Variants in CTDP1 observed in about 807,000 individuals in gnomAD.
The protein encoded by CTDP1 is RNA polymerase II subunit A C-terminal domain phosphatase.
Under a neutral mutation model 91.8 loss-of-function variants are expected in CTDP1, and 47 were observed. The observed-to-expected ratio is 0.51, with a 90% CI of 0.41 to 0.65. CTDP1 has a LOEUF of 0.65. CTDP1 is among the 30% of genes least tolerant of loss of function. The pLI, the probability that CTDP1 is intolerant of heterozygous loss-of-function variation, is 0.00. For missense variants in CTDP1, 1,272 were observed against 1,373.7 expected, an observed-to-expected ratio of 0.93 and a Z score of 1.17; for synonymous variants, 656 against 598.5, an observed-to-expected ratio of 1.10 and a Z score of -1.40.
At chr18:79,747,705 G>A (rs55660669) in intron 12 of CTDP1, among the ~76,000 whole-genome samples, 19,213 of 152,252 alleles carry the variant, frequency 0.13, 1,604 homozygotes, top group Non-Finnish European at 0.19. Flanking sequence ...GCAGGTGTCC[G>A]GTGCGTGCAG....
intron 10 of CTDP1, among the ~76,000 whole-genome samples, chr18:79,727,223 T>C (rs1231582668): frequency 6.6e-6 from 1 of 152,208 alleles, no homozygotes; most frequent in Non-Finnish European, 1.5e-5. Context: ...AACATTTAAT[T>C]CAGTTTAAAA....
chr18:79,698,249 G>A (rs766407970), intron 4 of CTDP1, among the ~76,000 whole-genome samples: 2 of 152,172 alleles, frequency 1.3e-5, no homozygotes, highest in East Asian at 1.9e-4. Context: ...GTGCCTGCCC[G>A]GCACGATGTC....
intron 5 of CTDP1, among the ~76,000 whole-genome samples, chr18:79,708,035 A>C (rs1297318426): frequency 2.0e-5 from 3 of 152,204 alleles, no homozygotes; most frequent in Non-Finnish European, 1.5e-5. Flanking sequence ...GCATAGTGAG[A>C]AACAATCGCA....
Position 79,679,824 on chromosome 18 carries a change from C to G in CTDP1, c.-124C>G. 2.1e-6 allele frequency: 2 copies of G among 957,242 alleles called. No homozygotes were observed. Among genetic ancestry groups the G allele is most frequent in the Non-Finnish European group, 2.9e-6 (2 of 688,148 alleles). 59.3% of individuals were successfully genotyped at this position (957,242 alleles called of 1,614,324 possible). ...CAGGAAGTCGGCGCGGGCTAGGCGACGGGTGGAAGCCGGTACCGAGAGGAA... is the reference window on the plus strand; with the variant it reads ...CAGGAAGTCGGCGCGGGCTAGGCGAGGGGTGGAAGCCGGTACCGAGAGGAA... On this transcript the variant is annotated 5_prime_UTR_variant, in exon 1 of 13. Coordinates refer to ENST00000613122, the MANE Select transcript of CTDP1 (RefSeq NM_004715.5).
At chr18:79,719,973 C>G (rs1376912889) in intron 10 of CTDP1, among the ~76,000 whole-genome samples, 1 of 144,202 alleles carries the variant, frequency 6.9e-6, no homozygotes. Context: ...ATGTCACCTC[C>G]CATTGTGTCC....
At chr18:79,735,057 G>T (rs191220194) in intron 11 of CTDP1, among the ~76,000 whole-genome samples, 29 of 152,332 alleles carry the variant, frequency 1.9e-4, no homozygotes, top group Non-Finnish European at 3.2e-4. Flanking sequence ...AGTGGACGGG[G>T]TGGATGCGTC....
intron 11 of CTDP1, among the ~76,000 whole-genome samples, chr18:79,729,975 C>T (rs1480181589): frequency 6.6e-6 from 1 of 152,200 alleles, no homozygotes; most frequent in Non-Finnish European, 1.5e-5. Context: ...TGTTTGCATC[C>T]AGAAGGCAGC....
In CTDP1 at chr18:79,753,877, C is replaced by T. The variant is rs1168315759; in HGVS notation, c.*87C>T. On this transcript the variant is annotated 3_prime_UTR_variant, in exon 13 of 13. Transcript: ENST00000613122. ...GACCAGCCCTCAGTCTCGGTCCACGCTGCTTTCTTCCCAAAGGACATGTAT... is the reference window on the plus strand; with the variant it reads ...GACCAGCCCTCAGTCTCGGTCCACGTTGCTTTCTTCCCAAAGGACATGTAT... 6.6e-7 allele frequency: 1 copy of T among 1,509,536 alleles called. No individual in the cohort carries two copies. The highest frequency in any genetic ancestry group is 1.4e-5 in the African/African-American group (1 of 72,510). 93.5% of individuals were successfully genotyped at this position (1,509,536 alleles called of 1,614,324 possible).
chr18:79,684,864 CTG>C (rs1216652081), intron 1 of CTDP1, among the ~76,000 whole-genome samples: 3 of 152,254 alleles, frequency 2.0e-5, no homozygotes, highest in Non-Finnish European at 4.4e-5. Flanking sequence ...TGGAAAGAAA[CTG>C]AGGTTCCAAG....
chr18:79,737,624 C>T (rs2086693634), intron 12 of CTDP1, among the ~76,000 whole-genome samples: 1 of 151,992 alleles, frequency 6.6e-6, no homozygotes, highest in African/African-American at 2.4e-5. Context: ...GGAGAGGTCC[C>T]CGTCCCGCAT....
At chr18:79,725,616 A>C (rs115353014) in intron 10 of CTDP1, among the ~76,000 whole-genome samples, 1 of 151,730 alleles carries the variant, frequency 6.6e-6, no homozygotes, top group Non-Finnish European at 1.5e-5. Flanking sequence ...TTGACAGTCA[A>C]GTGTGGTCTA....
intron 12 of CTDP1, among the ~76,000 whole-genome samples, chr18:79,743,140 C>T (rs921958828): frequency 5.3e-5 from 8 of 152,202 alleles, no homozygotes; most frequent in East Asian, 1.9e-4. Flanking sequence ...TTGGTCTCAC[C>T]GTGCTCCGAG....
At chr18:79,715,612 A>G in intron 8 of CTDP1, 84 bp downstream of exon 8, 4 of 1,303,576 alleles carry the variant, frequency 3.1e-6, no homozygotes, top group East Asian at 2.5e-5. Flanking sequence ...ATTGCTGTTT[A>G]TCTCACTTTC....
chr18:79,734,569 T>A (rs1174422065), intron 11 of CTDP1, among the ~76,000 whole-genome samples: 1 of 151,178 alleles, frequency 6.6e-6, no homozygotes, highest in East Asian at 1.9e-4. Flanking sequence ...TCTGAGGCCC[T>A]CCCAGGTGGG....
At chr18:79,736,227 AAAGCAG>A in intron 11 of CTDP1, 122 bp from the exon 12 acceptor site, 1 of 1,228,564 alleles carries the variant, frequency 8.1e-7, no homozygotes, top group Non-Finnish European at 1.2e-6. Flanking sequence ...GCTCAGGTAG[AAAGCAG>A]AGTGCTACCT....
intron 1 of CTDP1, among the ~76,000 whole-genome samples, chr18:79,694,779 C>T (rs537473055): frequency 7.2e-5 from 11 of 152,336 alleles, no homozygotes; most frequent in East Asian, 1.9e-4. Context: ...ATAAAACGAA[C>T]ATTACAGTCA....
intron 4 of CTDP1, among the ~76,000 whole-genome samples, chr18:79,701,686 C>T (rs1169846289): frequency 6.6e-6 from 1 of 152,106 alleles, no homozygotes; most frequent in African/African-American, 2.4e-5. Context: ...ATTGCAAGTG[C>T]CACCAGGAAC....
rs746280862 is a variant in CTDP1, at chr18:79,715,311, G to A, written c.1851G>A (p.Glu617=). The A allele has an allele frequency of 3.7e-6, 6 of 1,609,590 alleles. No individual in the cohort carries two copies. Among genetic ancestry groups the A allele is most frequent in the Non-Finnish European group, 5.1e-6 (6 of 1,177,974 alleles). The change falls in exon 8 of 13, where the codon GAG becomes GAA. Residue 617 remains glutamate, a synonymous_variant. Coordinates refer to ENST00000613122, the MANE Select transcript of CTDP1 (RefSeq NM_004715.5). ...ACCGCTACCTCAACAAGGAGATCGA[G>A]GAGGCGCCGGACATCCGCAAGATCG... ...KYDRYLNKEI[E]EAPDIRKIVP...
At chr18:79,739,791 C>T (rs916210575) in intron 12 of CTDP1, among the ~76,000 whole-genome samples, 1 of 150,646 alleles carries the variant, frequency 6.6e-6, no homozygotes, top group African/African-American at 2.5e-5. Flanking sequence ...GGGTGGGACT[C>T]TCATACCCAC....
Sources: allele counts gnomAD v4.1 joint callset (sites outside exome capture counted in the v4.1 genomes callset), GRCh38; gene constraint gnomAD v4.1.1; transcripts MANE v1.5; gene names NCBI Gene and HGNC (gene_info 2026-07-23, HGNC 2026-07-21).